GRK4: variants seen among roughly 807,000 people sequenced by gnomAD.
GRK4 encodes the protein G protein-coupled receptor kinase 4.
Under a neutral mutation model 77.9 loss-of-function variants are expected in GRK4, and 73 were observed. That is an observed-to-expected ratio of 0.94 (90% CI 0.78 to 1.14). GRK4 has a LOEUF of 1.14. Among genes scored for constraint, GRK4 ranks in the 50% most tolerant of loss-of-function variants. GRK4 has a pLI of 0.00. For synonymous variants in GRK4, 257 were observed against 254.4 expected, an observed-to-expected ratio of 1.01 and a Z score of -0.10; for missense variants, 729 against 700.2, an observed-to-expected ratio of 1.04 and a Z score of -0.46.
intron 15 of GRK4, 39 bp downstream of exon 15, chr4:3,038,552 G>GAA (rs11451355): frequency 0.048 from 62,669 of 1,302,860 alleles, 2 homozygotes; most frequent in South Asian, 0.095. Context: ...GTGTGTATGT[G>GAA]AAAAAAAAAA....
intron 1 of GRK4, among the ~76,000 whole-genome samples, chr4:2,979,638 A>G: frequency 6.6e-6 from 1 of 152,140 alleles, no homozygotes; most frequent in Non-Finnish European, 1.5e-5. Context: ...GCTTGAACCC[A>G]GTAGGCGGAG....
intron 4 of GRK4, among the ~76,000 whole-genome samples, chr4:2,996,606 T>G (rs1356190006): frequency 6.6e-6 from 1 of 152,068 alleles, no homozygotes; most frequent in Admixed American, 6.6e-5. Flanking sequence ...ACTGTCACAG[T>G]GGCAATTAAA....
chr4:3,035,005 C>A (rs1740189386), intron 12 of GRK4, among the ~76,000 whole-genome samples: 1 of 152,050 alleles, frequency 6.6e-6, no homozygotes, highest in African/African-American at 2.4e-5. Flanking sequence ...CGACTGTAAT[C>A]CCAGCACTTT....
intron 2 of GRK4, among the ~76,000 whole-genome samples, chr4:2,985,984 C>CAAAAAAAAAAAAAA (rs1181104072): frequency 1.1e-5 from 1 of 91,698 alleles, no homozygotes; most frequent in Non-Finnish European, 2.3e-5. Flanking sequence ...GACTCCGTCT[C>CAAAAAAAAAAAAAA]AAAAAAAAAA....
At chr4:2,972,351 C>T (rs541579572) in intron 1 of GRK4, among the ~76,000 whole-genome samples, 5 of 152,210 alleles carry the variant, frequency 3.3e-5, no homozygotes, top group Middle Eastern at 6.8e-3. Context: ...CTTGTCTTTA[C>T]GTAGTATTGA....
chr4:3,008,967 A>G (rs1242026608), intron 6 of GRK4, among the ~76,000 whole-genome samples: 1 of 152,146 alleles, frequency 6.6e-6, no homozygotes, highest in African/African-American at 2.4e-5. Flanking sequence ...TATATACGTC[A>G]TCTTCTTCAC....
chr4:3,022,440 T>C lies in GRK4; in HGVS notation c.959T>C (p.Leu320Pro), dbSNP rs1247924115. 3.1e-6 allele frequency: 5 copies of C among 1,613,878 alleles called. No individual in the cohort carries two copies. The highest frequency in any genetic ancestry group is 2.7e-5 in the African/African-American group (2 of 74,918). The change falls in exon 10 of 16, where the codon CTT becomes CCT. Residue 320 changes from leucine to proline, a missense_variant. By Grantham distance (98) the Leu-to-Pro change is moderately conservative (BLOSUM62 -3). Transcript: ENST00000398052. Reference sequence around the variant, plus strand: ...GACTTGAAGCCTGAGAATATTCTCCTTGATGATCGTGGTAAGTGGGCAAGC... The same window carrying C: ...GACTTGAAGCCTGAGAATATTCTCCCTGATGATCGTGGTAAGTGGGCAAGC... Reference protein sequence around the residue: ...YRDLKPENILLDDRGHIRISD... With the variant: ...YRDLKPENILPDDRGHIRISD...
intron 12 of GRK4, among the ~76,000 whole-genome samples, chr4:3,030,276 C>T (rs893623681): frequency 6.6e-6 from 1 of 152,138 alleles, no homozygotes; most frequent in African/African-American, 2.4e-5. Context: ...GAGACCTGGT[C>T]CCTGGTCCCA....
chr4:3,015,536 G>A (rs1391992077), intron 8 of GRK4, among the ~76,000 whole-genome samples: 33 of 152,030 alleles, frequency 2.2e-4, no homozygotes, highest in Admixed American at 1.9e-3. Context: ...TTAGCCAGGC[G>A]TGGTGGCAGG....
At chr4:3,027,318 A>G (rs1479524528) in intron 10 of GRK4, among the ~76,000 whole-genome samples, 1 of 152,236 alleles carries the variant, frequency 6.6e-6, no homozygotes, top group Admixed American at 6.5e-5. Flanking sequence ...AAGTGCTGGA[A>G]TTACAGGTGT....
At chr4:3,035,943 GC>G (rs1472417149) in intron 13 of GRK4, among the ~76,000 whole-genome samples, 1 of 151,822 alleles carries the variant, frequency 6.6e-6, no homozygotes, top group Non-Finnish European at 1.5e-5. Flanking sequence ...TGCTGGGGGA[GC>G]CCCCCAGGTA....
intron 3 of GRK4, among the ~76,000 whole-genome samples, chr4:2,990,446 G>A (rs1395904655): frequency 5.9e-5 from 9 of 151,832 alleles, no homozygotes; most frequent in Admixed American, 2.6e-4. Flanking sequence ...TAGTAGAGAC[G>A]GGGTTTCCCC....
At chr4:3,000,592 G>C (rs1270248273) in intron 4 of GRK4, among the ~76,000 whole-genome samples, 2 of 146,842 alleles carry the variant, frequency 1.4e-5, no homozygotes, top group Non-Finnish European at 3.0e-5. Context: ...TTTTGAAACA[G>C]TCTTGCTCTG....
intron 12 of GRK4, among the ~76,000 whole-genome samples, chr4:3,031,120 G>C (rs539257419): frequency 6.6e-6 from 1 of 152,262 alleles, no homozygotes; most frequent in East Asian, 1.9e-4. Flanking sequence ...GGGGGCACTC[G>C]CTGGAGCCAA....
At chr4:3,012,724 A>G (rs1320603173) in intron 7 of GRK4, among the ~76,000 whole-genome samples, 6 of 152,230 alleles carry the variant, frequency 3.9e-5, no homozygotes, top group Non-Finnish European at 7.3e-5. Flanking sequence ...GAAATTTTTC[A>G]TGACATAAAG....
intron 6 of GRK4, among the ~76,000 whole-genome samples, chr4:3,009,033 C>T (rs751213310): frequency 1.6e-4 from 24 of 152,176 alleles, no homozygotes; most frequent in Non-Finnish European, 3.1e-4. Flanking sequence ...GAGTTATGAA[C>T]ATACATATTT....
At chr4:2,977,067 C>A (rs1462488480) in intron 1 of GRK4, among the ~76,000 whole-genome samples, 1 of 152,184 alleles carries the variant, frequency 6.6e-6, no homozygotes, top group East Asian at 1.9e-4. Flanking sequence ...CTGCTTTTGT[C>A]TTTCAAAGCC....
chr4:3,025,603 A>G (rs1194916845), intron 10 of GRK4, among the ~76,000 whole-genome samples: 1 of 151,894 alleles, frequency 6.6e-6, no homozygotes, highest in East Asian at 2.0e-4. Flanking sequence ...CGTGTTAGCC[A>G]GGATGGTCTC....
At chr4:3,040,491 T>A in intron 15 of GRK4, 81 bp from the exon 16 acceptor site, 1 of 1,139,242 alleles carries the variant, frequency 8.8e-7, no homozygotes, top group South Asian at 1.5e-5. Flanking sequence ...CACCCAAAAG[T>A]TTGTAAATGG....
Sources: gnomAD v4.1 joint callset for allele counts (sites outside exome capture counted in the v4.1 genomes callset) on GRCh38, gnomAD v4.1.1 for gene constraint, MANE v1.5 for transcripts, NCBI Gene and HGNC (gene_info 2026-07-23, HGNC 2026-07-21) for gene names.